Variants in NEB observed in about 807,000 individuals in gnomAD.
The protein encoded by NEB is nemaline myopathy type 2.
A neutral mutation model predicts 952.2 loss-of-function variants in NEB; 512 were observed. The ratio of observed to expected loss-of-function variants is 0.54; its 90% CI spans 0.50 to 0.58. The LOEUF (loss-of-function observed/expected upper bound fraction) is 0.58. Among genes scored for constraint, NEB ranks in the 20% least tolerant of loss-of-function variants. NEB has a pLI of 0.00. For missense variants in NEB, 8,428 were observed against 9,231.1 expected (o/e 0.91, Z 3.56); for synonymous variants, 2,900 against 3,149.8 (o/e 0.92, Z 2.66).
chr2:151,637,068 G>A (rs1028843840), intron 63 of NEB, among the ~76,000 whole-genome samples: 1 of 152,070 alleles, frequency 6.6e-6, no homozygotes, highest in South Asian at 2.1e-4. Context: ...CTGACTGTGC[G>A]GGGTACTTGG....
At chr2:151,632,232 A>C (rs1402109403) in intron 65 of NEB, among the ~76,000 whole-genome samples, 3 of 151,942 alleles carry the variant, frequency 2.0e-5, no homozygotes, top group African/African-American at 7.2e-5. Context: ...ATAGTTTTGA[A>C]TCTTTGTTTG....
chr2:151,491,614 A>T (rs1574618694), intron 179 of NEB, 69 bp downstream of exon 179: 2 of 1,298,978 alleles, frequency 1.5e-6, no homozygotes, highest in East Asian at 5.1e-5. Context: ...CAGAGCCCAA[A>T]TGAAAGTCAT....
Position 151,620,345 on chromosome 2 carries a change from GTGTATA to G in NEB, c.10560+568_10560+573del, listed in dbSNP as rs1319379690. Reference sequence around the variant, plus strand: ...TTTTATTATATATATATGTATGTGTGTGTATATATATATATATATATATATATATAT... The same window carrying G: ...TTTTATTATATATATATGTATGTGTGTATATATATATATATATATATATAT... On this transcript the variant is annotated intron_variant, in intron 72 of 181. Coordinates refer to ENST00000397345, the MANE Select transcript of NEB (RefSeq NM_001164508.2). Among the ~76,000 whole-genome samples, 394 of 87,768 alleles carry G rather than the reference GTGTATA, an allele frequency of 4.5e-3. 3 individuals are homozygous for G. The highest frequency in any genetic ancestry group is 5.8e-3 in the East Asian group (18 of 3,114). The allele number at this position is 87,768 out of a possible 152,430, so 57.6% of individuals were successfully genotyped here.
rs778563012 is a variant in NEB, at chr2:151,491,688, A to G, written c.25145T>C (p.Ile8382Thr). 2 of 1,588,156 alleles carry G rather than the reference A, an allele frequency of 1.3e-6. No homozygotes were observed. The highest frequency in any genetic ancestry group is 1.7e-6 in the Non-Finnish European group (2 of 1,165,664). ...DNIQSRSLHM[I>T]NVQAQRRSRE... is the part of the protein sequence containing the mutation. ...GCCTTTTTCAGCTAACACACCATTA[A>G]TCATGTGTAAGCTTCGGGACTGGAT... Residue 8382 changes from isoleucine (I) to threonine (T), a missense_variant, in exon 179 of 182, where the codon ATT becomes ACT. By Grantham distance (89) the Ile-to-Thr change is moderately conservative. Coordinates refer to ENST00000397345, the MANE Select transcript of NEB (RefSeq NM_001164508.2).
At chr2:151,707,616 G>A (rs776920629) in intron 12 of NEB, among the ~76,000 whole-genome samples, 18 of 152,136 alleles carry the variant, frequency 1.2e-4, no homozygotes, top group Non-Finnish European at 2.4e-4. Context: ...CAAGTTGAGG[G>A]GTGTTGGGGG....
At chr2:151,490,283 A>G (rs1018408344) in intron 180 of NEB, 89 bp downstream of exon 180, 14 of 1,475,548 alleles carry the variant, frequency 9.5e-6, no homozygotes, top group African/African-American at 2.8e-5. Context: ...AAATTTTTAA[A>G]TTTGTTTTTG....
intron 75 of NEB, among the ~76,000 whole-genome samples, chr2:151,617,126 T>A (rs1478296801): frequency 6.6e-6 from 1 of 152,200 alleles, no homozygotes; most frequent in Non-Finnish European, 1.5e-5. Context: ...AAAGTATAAT[T>A]CCTATGGAAA....
intron 48 of NEB, 105 bp from the exon 49 acceptor site, chr2:151,656,569 A>T (rs2154149955): frequency 1.5e-5 from 9 of 592,836 alleles, no homozygotes; most frequent in South Asian, 8.8e-5. Flanking sequence ...AATATAATTA[A>T]AAATTATATT....
At chr2:151,632,682 A>G (rs1479747524) in intron 65 of NEB, among the ~76,000 whole-genome samples, 2 of 151,798 alleles carry the variant, frequency 1.3e-5, no homozygotes, top group Non-Finnish European at 1.5e-5. Context: ...TCTCAGAAAA[A>G]AAAAAAAAAA....
chr2:151,619,442 G>T lies in NEB; in HGVS notation c.10872+9C>A, dbSNP rs927746574. Reference sequence around the variant, plus strand: ...TTTAACATGCAGAGCTAACATCAAGGAAACTTACGTCACTCTGGAGGTCAT... The same window carrying T: ...TTTAACATGCAGAGCTAACATCAAGTAAACTTACGTCACTCTGGAGGTCAT... On this transcript the variant is annotated intron_variant, in intron 73 of 181. Coordinates refer to ENST00000397345, the MANE Select transcript of NEB (RefSeq NM_001164508.2). 1 of 1,582,824 alleles carries T rather than the reference G, an allele frequency of 6.3e-7. No individual in the cohort carries two copies. Among genetic ancestry groups the T allele is most frequent in the South Asian group, 1.2e-5 (1 of 86,222 alleles).
chr2:151,660,062 C>T (rs188788701), intron 46 of NEB, among the ~76,000 whole-genome samples: 2 of 152,282 alleles, frequency 1.3e-5, no homozygotes, highest in Admixed American at 1.3e-4. Context: ...AGTCTCCAGT[C>T]ACCAGCTGTC....
At position 151,519,788 on chromosome 2, in the gene NEB, T is replaced by A. The variant is rs374142869; in HGVS notation, c.22480-20A>T. The A allele has an allele frequency of 2.4e-5, 35 of 1,467,174 alleles. No individual in the cohort carries two copies. The African/African-American group carries it at 4.0e-4, about 17-fold the overall frequency. 90.9% of individuals were successfully genotyped at this position (1,467,174 alleles called of 1,614,324 possible). On this transcript the variant is annotated intron_variant, in intron 153 of 181. Transcript: ENST00000397345. Reference sequence around the variant, plus strand: ...TTTAACCTAACAGCAAATGCAAACATCCAAATTATTCCTGGACATCAATCA... The same window carrying A: ...TTTAACCTAACAGCAAATGCAAACAACCAAATTATTCCTGGACATCAATCA...
chr2:151,487,743 T>A (rs1340487480), intron 181 of NEB, among the ~76,000 whole-genome samples: 1 of 152,110 alleles, frequency 6.6e-6, no homozygotes. Context: ...CATGTGTGTT[T>A]AAACTTATTT....
intron 24 of NEB, 81 bp from the exon 25 acceptor site, chr2:151,688,477 G>T: frequency 9.3e-7 from 1 of 1,080,162 alleles, no homozygotes; most frequent in Non-Finnish European, 1.4e-6. Flanking sequence ...TAAGGCATTA[G>T]TGCTGTTTTT....
rs576142462 is a variant in NEB at position 151,636,314 on chromosome 2, A to T, written c.9015T>A (p.Asn3005Lys). The change falls in exon 64 of 182, where the codon AAT (asparagine) becomes AAA (lysine). Residue 3005 changes from asparagine (N) to lysine (K), a missense_variant. Physicochemically the swap from Asn to Lys is moderately conservative, Grantham distance 94. Around this residue, in one of 11 missense-constraint regions of NEB, gnomAD observed 1,772 missense variants for 1,960.3 expected, o/e 0.90. Coordinates refer to ENST00000397345, the MANE Select transcript of NEB (RefSeq NM_001164508.2). The part of the protein sequence containing the change: ...NYSESLYKLA[N>K]EEAKKKGYDL... ...CATAGCCTTTCTTCTTTGCTTCTTC[A>T]TTAGCAAGTTTGTACAGACTCTAAA... 2.9e-5 allele frequency: 46 copies of T among 1,607,430 alleles called. No homozygotes were observed. The East Asian group carries it at 1.0e-3, about 35-fold the overall frequency.
intron 64 of NEB, 66 bp from the exon 65 acceptor site, chr2:151,634,031 A>G: frequency 1.3e-6 from 2 of 1,516,342 alleles, no homozygotes; most frequent in South Asian, 1.2e-5. Context: ...TCTGTGCAAA[A>G]TCAACTTGCT....
Position 151,663,871 on chromosome 2 carries a change from G to A in NEB, c.5452-12C>T. 6.2e-7 allele frequency: 1 copy of A among 1,605,030 alleles called. No individual in the cohort carries two copies. The highest frequency in any genetic ancestry group is 8.5e-7 in the Non-Finnish European group (1 of 1,173,928). ...TTCTTGTATTTGTACTGTGGACAGA[G>A]AAGAAATTATGGTGATGAAAATGGT... On this transcript the variant is annotated splice_polypyrimidine_tract_variant and intron_variant, in intron 44 of 181. Coordinates refer to ENST00000397345, the MANE Select transcript of NEB (RefSeq NM_001164508.2).
In NEB at chr2:151,568,352, C is replaced by T. The variant is rs779587789; in HGVS notation, c.17700G>A (p.Leu5900=). 1 of 1,613,148 alleles carries T rather than the reference C, an allele frequency of 6.2e-7. No individual in the cohort carries two copies. The highest frequency in any genetic ancestry group is 8.5e-7 in the Non-Finnish European group (1 of 1,179,734). Residue 5900 remains leucine (L), a synonymous_variant, in exon 112 of 182, where the codon CTG becomes CTA. Transcript: ENST00000397345. ...SKYTLTETPL[L]HTAQEAARIL... ...TCCTAGCAGCCTCCTGGGCAGTGTG[C>T]AGCAGGGGGGTTTCTGTGAGGGTGT...
intron 170 of NEB, 182 bp from the exon 171 acceptor site, chr2:151,497,900 G>C (rs1235808302): frequency 2.7e-6 from 4 of 1,481,488 alleles, no homozygotes; most frequent in African/African-American, 2.9e-5. Flanking sequence ...CTCTAGAGAA[G>C]CAGGGACTTC....
Sources: gnomAD v4.1 joint callset for allele counts (sites outside exome capture counted in the v4.1 genomes callset) on GRCh38, gnomAD v4.1.1 for gene constraint, gnomAD v4.1.1 regional missense constraint, MANE v1.5 for transcripts, NCBI Gene and HGNC (gene_info 2026-07-23, HGNC 2026-07-21) for gene names.